CFAP221: variants seen among roughly 807,000 people sequenced by gnomAD.
The protein encoded by CFAP221 is cilia- and flagella-associated protein 221.
In CFAP221, 97 loss-of-function variants were observed where a neutral mutation model predicts 113.1. The ratio of observed to expected loss-of-function variants is 0.86; its 90% confidence interval spans 0.73 to 1.02. The LOEUF (loss-of-function observed/expected upper bound fraction) is 1.02. Ranked by LOEUF, CFAP221 falls within the 50% of genes least tolerant of loss-of-function variation. The pLI, the probability that CFAP221 is intolerant of heterozygous loss-of-function variation, is 0.00. For synonymous variants in CFAP221, 331 were observed against 354.4 expected (o/e 0.93, Z 0.74); for missense variants, 1,025 against 1,013.4 (o/e 1.01, Z -0.16).
chr2:119,594,654 A>C (rs1336196166), intron 7 of CFAP221, among the ~76,000 whole-genome samples: 1 of 152,112 alleles, frequency 6.6e-6, no homozygotes, highest in Non-Finnish European at 1.5e-5. Flanking sequence ...TCTATTCAGC[A>C]CTCTACTCAA....
intron 7 of CFAP221, chr2:119,590,220 A>C (rs1370899724): frequency 1.3e-5 from 2 of 152,136 alleles, no homozygotes; most frequent in Non-Finnish European, 2.9e-5. Context: ...CTCTTTTTTT[A>C]ATTATAAGAA....
chr2:119,578,088 G>T (rs1463647621), intron 6 of CFAP221, among the ~76,000 whole-genome samples: 4 of 152,194 alleles, frequency 2.6e-5, no homozygotes, highest in African/African-American at 9.7e-5. Flanking sequence ...TGGAAGTCTG[G>T]TTCTGTCCTG....
At chr2:119,601,441 T>C in intron 8 of CFAP221, 64 bp downstream of exon 8, 1 of 1,343,178 alleles carries the variant, frequency 7.4e-7, no homozygotes, top group South Asian at 1.7e-5. Context: ...AAGTCTTCCT[T>C]TCTTCCATTC....
chr2:119,625,685 C>G lies in CFAP221; in HGVS notation c.1513C>G (p.Gln505Glu). The G allele has an allele frequency of 6.2e-7, 1 of 1,602,680 alleles. No individual in the cohort carries two copies. Among genetic ancestry groups the G allele is most frequent in the Non-Finnish European group, 8.5e-7 (1 of 1,169,608 alleles). The change falls in exon 15 of 24, where the codon CAA becomes GAA. Residue 505 changes from glutamine to glutamate, a missense_variant. Gln to Glu is a conservative substitution (Grantham distance 29). Transcript: ENST00000413369. ...KIGQAKQSIA[Q>E]EANFFKFFLR... is the part of the protein sequence containing the mutation. ...TGGCCAAGCAAAACAATCGATAGCA[C>G]AAGGTGAAGTATGGCTGCAAAGCAC...
rs547285041 is a variant in CFAP221 at position 119,544,469 on chromosome 2, G to T, written c.-89G>T. 2.6e-5 allele frequency: 4 copies of T among 151,868 alleles called. No homozygotes were observed. Among genetic ancestry groups the T allele is most frequent in the African/African-American group, 9.7e-5 (4 of 41,446 alleles). The allele number at this position is 151,868 out of a possible 1,614,324, so 9.4% of individuals were successfully genotyped here. ...ATGGCGACGCTCCGAGCGGGCGCCG[G>T]CGCTGGCGCCGGCCGAATCCGGCCC... On this transcript the variant is annotated 5_prime_UTR_variant, in exon 1 of 24. Coordinates refer to ENST00000413369, the MANE Select transcript of CFAP221 (RefSeq NM_001271049.2).
chr2:119,615,790 C>A, intron 14 of CFAP221, 81 bp downstream of exon 14: 1 of 1,016,860 alleles, frequency 9.8e-7, no homozygotes, highest in Non-Finnish European at 1.5e-6. Context: ...TTTGATAACA[C>A]CTTTATTGAG....
intron 16 of CFAP221, among the ~76,000 whole-genome samples, chr2:119,629,332 A>T (rs1574181149): frequency 6.6e-6 from 1 of 152,256 alleles, no homozygotes; most frequent in African/African-American, 2.4e-5. Flanking sequence ...AGGGGACAGG[A>T]TTGGGTGGAG....
intron 14 of CFAP221, among the ~76,000 whole-genome samples, chr2:119,621,218 T>A (rs1181808678): frequency 7.2e-6 from 1 of 139,244 alleles, no homozygotes. Context: ...AGAGTGAAAC[T>A]GTGTCAAAAA....
chr2:119,544,850 C>T (rs1409126548), intron 1 of CFAP221, among the ~76,000 whole-genome samples: 1 of 152,016 alleles, frequency 6.6e-6, no homozygotes, highest in Non-Finnish European at 1.5e-5. Context: ...GGGCGGTGGG[C>T]GAGCCGGCGT....
intron 23 of CFAP221, among the ~76,000 whole-genome samples, chr2:119,653,341 A>G (rs1688240674): frequency 6.6e-6 from 1 of 152,178 alleles, no homozygotes; most frequent in African/African-American, 2.4e-5. Flanking sequence ...AGATCGCGCC[A>G]TTGCACTCCA....
intron 13 of CFAP221, among the ~76,000 whole-genome samples, chr2:119,614,086 C>G (rs535091407): frequency 6.6e-6 from 1 of 152,364 alleles, no homozygotes; most frequent in East Asian, 1.9e-4. Flanking sequence ...TGCCCCCAGT[C>G]TCTTTGCTAA....
chr2:119,564,005 T>C (rs1463026258), intron 6 of CFAP221, among the ~76,000 whole-genome samples: 1 of 152,132 alleles, frequency 6.6e-6, no homozygotes, highest in Non-Finnish European at 1.5e-5. Flanking sequence ...CAGATCCCTC[T>C]AGATATAGGG....
Position 119,638,347 on chromosome 2 carries a change from A to G in CFAP221, c.2063A>G (p.Tyr688Cys). 6.2e-7 allele frequency: 1 copy of G among 1,614,182 alleles called. No individual in the cohort carries two copies. The highest frequency in any genetic ancestry group is 1.7e-5 in the Admixed American group (1 of 60,016). The change falls in exon 20 of 24, where the codon TAC (tyrosine) becomes TGC (cysteine). Residue 688 changes from tyrosine (Y) to cysteine (C), a missense_variant. Physicochemically the swap from Tyr to Cys is radical, Grantham distance 194 (BLOSUM62 -2). Coordinates refer to ENST00000413369, the MANE Select transcript of CFAP221 (RefSeq NM_001271049.2). The part of the protein sequence containing the change: ...IDYHLCSHPK[Y>C]KFTKESRHGS... ...TACCATCTATGCTCTCACCCCAAGT[A>G]CAAATTCACCAAAGAGTCCCGCCAC... is the stretch of plus-strand genomic sequence containing the variant.
intron 14 of CFAP221, among the ~76,000 whole-genome samples, chr2:119,621,684 G>A (rs999543844): frequency 1.3e-5 from 2 of 150,336 alleles, no homozygotes; most frequent in Non-Finnish European, 3.0e-5. Context: ...GAAATCATAA[G>A]AGTCTCTCAG....
At chr2:119,546,653 A>T (rs978586694) in intron 2 of CFAP221, among the ~76,000 whole-genome samples, 1 of 152,052 alleles carries the variant, frequency 6.6e-6, no homozygotes, top group East Asian at 1.9e-4. Context: ...TCCCCCTTGC[A>T]TACAGAATAA....
At chr2:119,582,158 A>T (rs1259436479) in intron 6 of CFAP221, among the ~76,000 whole-genome samples, 1 of 152,234 alleles carries the variant, frequency 6.6e-6, no homozygotes, top group African/African-American at 2.4e-5. Flanking sequence ...AAGAAAATTT[A>T]AAAGGAATAT....
rs1684348598 is a variant in CFAP221, at chr2:119,601,292, A to T, written c.706A>T (p.Lys236Ter). The stretch of plus-strand genomic sequence containing the variant: ...CTTTCAGTATGGGACTGCACAAATA[A>T]AAATGCAGTTATGGATTTCGCAGTT... Reference protein sequence around the residue: ...TPFQYGTAQIKMQLWISQFNS... With the variant: ...TPFQYGTAQI Residue 236 changes from lysine to a stop codon, truncating the protein, a stop_gained, in exon 8 of 24, where the codon AAA becomes TAA. Coordinates refer to ENST00000413369, the MANE Select transcript of CFAP221 (RefSeq NM_001271049.2). LOFTEE classifies it high-confidence loss of function. 6.5e-7 allele frequency: 1 copy of T among 1,535,850 alleles called. No individual in the cohort carries two copies. Among genetic ancestry groups the T allele is most frequent in the Non-Finnish European group, 8.7e-7 (1 of 1,146,686 alleles).
intron 3 of CFAP221, among the ~76,000 whole-genome samples, chr2:119,553,780 T>A (rs1383066258): frequency 6.6e-6 from 1 of 152,246 alleles, no homozygotes; most frequent in Non-Finnish European, 1.5e-5. Context: ...GGCGTCATTC[T>A]GCTGCAGAAT....
chr2:119,622,389 A>G (rs1453412724), intron 14 of CFAP221, among the ~76,000 whole-genome samples: 1 of 151,702 alleles, frequency 6.6e-6, no homozygotes, highest in Non-Finnish European at 1.5e-5. Flanking sequence ...CCTACCAACC[A>G]AAAAAAAGCC....
Sources: gnomAD v4.1 joint callset for allele counts (sites outside exome capture counted in the v4.1 genomes callset) on GRCh38, gnomAD v4.1.1 for gene constraint, MANE v1.5 for transcripts, NCBI Gene and HGNC (gene_info 2026-07-23, HGNC 2026-07-21) for gene names.